NPTN: variants seen among roughly 807,000 people sequenced by gnomAD.
The protein encoded by NPTN is SDR-1.
Under a neutral mutation model 42.7 loss-of-function variants are expected in NPTN, and 5 were observed. That is an observed-to-expected ratio of 0.12 (90% CI 0.06 to 0.25). The LOEUF (loss-of-function observed/expected upper bound fraction) is 0.25. Ranked by LOEUF, NPTN falls within the 10% of genes least tolerant of loss-of-function variation. The pLI, the probability that NPTN is intolerant of heterozygous loss-of-function variation, is 1.00. For missense variants in NPTN, 307 were observed against 525.4 expected (o/e 0.58, Z 4.06); for synonymous variants, 180 against 201.9 (o/e 0.89, Z 0.92).
At chr15:73,603,936 G>T (rs1370244573) in intron 1 of NPTN, among the ~76,000 whole-genome samples, 1 of 152,116 alleles carries the variant, frequency 6.6e-6, no homozygotes, top group Admixed American at 6.6e-5. Flanking sequence ...TCTTTATAGG[G>T]TAGTTGTGAA....
chr15:73,590,424 G>C (rs1296545375), intron 3 of NPTN, among the ~76,000 whole-genome samples: 7 of 152,074 alleles, frequency 4.6e-5, no homozygotes, highest in African/African-American at 1.7e-4. Context: ...AGACCCAAGA[G>C]AAACATGATT....
At chr15:73,595,124 C>T (rs1448480088) in intron 2 of NPTN, among the ~76,000 whole-genome samples, 1 of 152,060 alleles carries the variant, frequency 6.6e-6, no homozygotes, top group Non-Finnish European at 1.5e-5. Context: ...TATGTATTCT[C>T]GGGATTGGTA....
chr15:73,597,210 T>C lies in NPTN; in HGVS notation c.251A>G (p.Lys84Arg). 1.2e-6 allele frequency: 2 copies of C among 1,614,132 alleles called. No individual in the cohort carries two copies. The highest frequency in any genetic ancestry group is 1.7e-6 in the Non-Finnish European group (2 of 1,179,990). Reference sequence around the variant, plus strand: ...GGCGGTGTTTACGGTGACACGGCGCTTCCGAGCACCGTCCCACAGCTGTCT... The same window carrying C: ...GGCGGTGTTTACGGTGACACGGCGCCTCCGAGCACCGTCCCACAGCTGTCT... ...SFRQLWDGAR[K>R]RRVTVNTAYG... is the part of the protein sequence containing the mutation. The change falls in exon 2 of 9, where the codon AAG becomes AGG. Residue 84 changes from lysine (K) to arginine (R), a missense_variant. By Grantham distance (26) the Lys-to-Arg change is conservative. Around this residue, in one of 2 missense-constraint regions of NPTN, gnomAD observed 264 missense variants for 491.1 expected, o/e 0.54. Transcript: ENST00000345330. The surrounding 1 kb of genome is among the most constrained non-coding windows in gnomAD (Gnocchi z 6.3).
intron 1 of NPTN, among the ~76,000 whole-genome samples, chr15:73,601,609 T>A (rs562698489): frequency 9.2e-5 from 14 of 152,322 alleles, no homozygotes; most frequent in South Asian, 4.1e-4. Context: ...AACAGAAGCA[T>A]CTGTTTGCTC....
intron 1 of NPTN, among the ~76,000 whole-genome samples, chr15:73,618,277 AAT>A (rs1897960080): frequency 6.6e-6 from 1 of 152,242 alleles, no homozygotes; most frequent in Non-Finnish European, 1.5e-5. Flanking sequence ...AGTTAAAAAA[AAT>A]ATATGTTAGA....
intron 1 of NPTN, among the ~76,000 whole-genome samples, chr15:73,630,164 C>T (rs1566995418): frequency 1.3e-5 from 2 of 152,250 alleles, no homozygotes; most frequent in African/African-American, 4.8e-5. Context: ...TTAATCCTCA[C>T]ATCATCCCTA....
intron 1 of NPTN, among the ~76,000 whole-genome samples, chr15:73,629,382 C>A (rs1159352979): frequency 6.6e-6 from 1 of 152,160 alleles, no homozygotes; most frequent in Non-Finnish European, 1.5e-5. Context: ...TTCTGTTGCT[C>A]ATTTCAGTTC....
intron 4 of NPTN, among the ~76,000 whole-genome samples, chr15:73,581,898 G>C (rs150613760): frequency 6.6e-5 from 10 of 151,778 alleles, no homozygotes; most frequent in Non-Finnish European, 1.3e-4. Context: ...GCAGCAGCGC[G>C]ATCTCAGCTC....
intron 1 of NPTN, among the ~76,000 whole-genome samples, chr15:73,612,420 CAAAA>C (rs35226980): frequency 5.0e-5 from 6 of 120,016 alleles, no homozygotes; most frequent in African/African-American, 6.2e-5. Context: ...ATCCTGTCTC[CAAAA>C]AAAAAAAAAA....
chr15:73,592,960 G>GT (rs1226651040), intron 2 of NPTN, among the ~76,000 whole-genome samples: 2 of 152,100 alleles, frequency 1.3e-5, no homozygotes, highest in South Asian at 2.1e-4. Flanking sequence ...GTGCAAGGCC[G>GT]TAAGTATTAC....
chr15:73,586,149 C>T (rs1424613447), intron 4 of NPTN, among the ~76,000 whole-genome samples: 1 of 152,182 alleles, frequency 6.6e-6, no homozygotes. Flanking sequence ...CCTCACCCAC[C>T]CTGCCTCTCT....
intron 6 of NPTN, chr15:73,565,921 C>A: frequency 2.6e-6 from 1 of 380,754 alleles, no homozygotes; most frequent in Non-Finnish European, 5.3e-6. Flanking sequence ...TACAATATCA[C>A]CTCCAAAAAG....
At chr15:73,626,751 A>G (rs1898434310) in intron 1 of NPTN, among the ~76,000 whole-genome samples, 1 of 152,178 alleles carries the variant, frequency 6.6e-6, no homozygotes, top group Non-Finnish European at 1.5e-5. Flanking sequence ...ATCCATTTAG[A>G]TATGATTAAA....
rs145846652 is a variant in NPTN at position 73,591,198 on chromosome 15, G to C, written c.611+768C>G. Among the ~76,000 whole-genome samples the C allele has an allele frequency of 1.3e-3, 191 of 152,318 alleles. 2 individuals are homozygous for C. Among genetic ancestry groups the C allele is most frequent in the Middle Eastern group, 0.01 (3 of 294 alleles). ...GATCTCAATGCTGCAATATCCTGCA[G>C]AATGCCCTTGCTATCACTGGATACA... is the stretch of plus-strand genomic sequence containing the variant. On this transcript the variant is annotated intron_variant, in intron 3 of 8. Transcript: ENST00000345330.
intron 1 of NPTN, among the ~76,000 whole-genome samples, chr15:73,629,822 G>T (rs1233783879): frequency 1.3e-5 from 2 of 149,852 alleles, no homozygotes; most frequent in Non-Finnish European, 3.0e-5. Context: ...TGGCCCACTT[G>T]AAAGATTTGG....
chr15:73,582,000 A>C (rs1896071349), intron 4 of NPTN, among the ~76,000 whole-genome samples: 1 of 151,972 alleles, frequency 6.6e-6, no homozygotes, highest in Non-Finnish European at 1.5e-5. Flanking sequence ...ACACTCGGCT[A>C]ATTTTTGTAT....
intron 3 of NPTN, 155 bp downstream of exon 3, chr15:73,591,811 T>C (rs183219029): frequency 1.6e-6 from 1 of 628,178 alleles, no homozygotes; most frequent in Admixed American, 2.6e-5. Flanking sequence ...TTTTCTAGAC[T>C]ACTGGGCCTT....
intron 4 of NPTN, 133 bp downstream of exon 4, chr15:73,587,391 T>C: frequency 1.5e-6 from 1 of 647,254 alleles, no homozygotes; most frequent in Non-Finnish European, 2.7e-6. Flanking sequence ...ATCCTGAGCC[T>C]GTGGCCTAAC....
chr15:73,592,544 C>T (rs1463163647), intron 2 of NPTN, among the ~76,000 whole-genome samples: 1 of 152,166 alleles, frequency 6.6e-6, no homozygotes, highest in Admixed American at 6.5e-5. Context: ...AATAAACTCC[C>T]TATTGTACCA....
Sources: allele counts gnomAD v4.1 joint callset (sites outside exome capture counted in the v4.1 genomes callset), GRCh38; gene constraint gnomAD v4.1.1; regional missense constraint gnomAD v4.1.1; non-coding constraint Gnocchi (gnomAD v3.1); transcripts MANE v1.5; gene names NCBI Gene and HGNC (gene_info 2026-07-23, HGNC 2026-07-21).